IGSF11: variants seen among roughly 807,000 people sequenced by gnomAD.
IGSF11 encodes CXADR like 1.
A neutral mutation model predicts 41.0 loss-of-function variants in IGSF11; 22 were observed. The ratio of observed to expected loss-of-function variants is 0.54; its 90% CI spans 0.38 to 0.77. IGSF11 has a LOEUF of 0.77. Among genes scored for constraint, IGSF11 ranks in the 30% least tolerant of loss-of-function variants. IGSF11 has a pLI of 0.00. For synonymous variants in IGSF11, 219 were observed against 201.3 expected, an observed-to-expected ratio of 1.09 and a Z score of -0.74; for missense variants, 444 against 530.8, an observed-to-expected ratio of 0.84 and a Z score of 1.61.
intron 1 of IGSF11, among the ~76,000 whole-genome samples, chr3:118,973,429 C>A (rs1933688884): frequency 6.6e-6 from 1 of 152,140 alleles, no homozygotes; most frequent in Admixed American, 6.5e-5. Context: ...GACACCAGGG[C>A]TTTGAAAGGA....
chr3:119,096,059 T>C (rs550594443), intron 1 of IGSF11, among the ~76,000 whole-genome samples: 61 of 152,204 alleles, frequency 4.0e-4, no homozygotes, highest in Admixed American at 3.8e-3. Flanking sequence ...TATTTATTTA[T>C]TTATTTATTT....
chr3:119,079,317 G>A (rs561956271), intron 1 of IGSF11, among the ~76,000 whole-genome samples: 1 of 151,742 alleles, frequency 6.6e-6, no homozygotes, highest in South Asian at 2.1e-4. Flanking sequence ...CTGAAATCAC[G>A]CCATTGCACT....
intron 1 of IGSF11, among the ~76,000 whole-genome samples, chr3:119,136,702 G>C (rs2077567930): frequency 6.6e-6 from 1 of 152,108 alleles, no homozygotes; most frequent in Admixed American, 6.6e-5. Flanking sequence ...ATAAACCCCA[G>C]TACATTAATA....
At chr3:119,021,170 G>A (rs566092383) in intron 1 of IGSF11, among the ~76,000 whole-genome samples, 1 of 152,232 alleles carries the variant, frequency 6.6e-6, no homozygotes, top group Non-Finnish European at 1.5e-5. Context: ...TACAAATGTA[G>A]GCAGTGGTTA....
chr3:118,905,683 T>C lies in IGSF11; in HGVS notation c.616A>G (p.Ser206Gly). 6.2e-7 allele frequency: 1 copy of C among 1,613,842 alleles called. No individual in the cohort carries two copies. The change falls in exon 5 of 7, where the codon AGT (serine) becomes GGT (glycine). Residue 206 changes from serine to glycine, a missense_variant. By Grantham distance (56) the Ser-to-Gly change is moderately conservative. Transcript: ENST00000393775. ...TGGTACAAACCTGAAGACAGGGCAC[T>C]GATGTTCCGGATGGTGACTGTTCCC... ...VQGTVTIRNISALSSGLYQCV... is the reference protein window; with the variant it reads ...VQGTVTIRNIGALSSGLYQCV...
At chr3:118,950,426 A>G (rs577801794) in intron 1 of IGSF11, among the ~76,000 whole-genome samples, 2 of 152,310 alleles carry the variant, frequency 1.3e-5, no homozygotes, top group East Asian at 3.9e-4. Flanking sequence ...TGCCACGACG[A>G]GATACAACAG....
Position 119,105,078 on chromosome 3 carries a change from C to T in IGSF11, c.49+66G>A, listed in dbSNP as rs201400231. On this transcript the variant is annotated intron_variant, in intron 1 of 6. Coordinates refer to the IGSF11 transcript ENST00000354673. Reference sequence around the variant, plus strand: ...TTAGTATCACAAAAAGCCTTTCACTCAGCCAGGCCATAAGAGATAATAACC... The same window carrying T: ...TTAGTATCACAAAAAGCCTTTCACTTAGCCAGGCCATAAGAGATAATAACC... The T allele has an allele frequency of 2.7e-4, 278 of 1,024,838 alleles. 1 individual carries two copies. The South Asian group carries it at 3.7e-3, about 14-fold the overall frequency. 63.5% of individuals were successfully genotyped at this position (1,024,838 alleles called of 1,614,324 possible).
intron 1 of IGSF11, among the ~76,000 whole-genome samples, chr3:119,060,224 T>A (rs963189545): frequency 5.9e-5 from 9 of 152,210 alleles, no homozygotes; most frequent in African/African-American, 2.2e-4. Context: ...GATTAAAGTG[T>A]TGTGAAATTC....
chr3:118,941,328 A>G (rs1943682682), intron 1 of IGSF11, among the ~76,000 whole-genome samples: 1 of 152,166 alleles, frequency 6.6e-6, no homozygotes, highest in African/African-American at 2.4e-5. Flanking sequence ...TTGAACAGAC[A>G]CTTCACTATG....
intron 1 of IGSF11, among the ~76,000 whole-genome samples, chr3:119,042,486 G>A (rs1453981300): frequency 1.3e-5 from 2 of 152,180 alleles, no homozygotes; most frequent in Non-Finnish European, 2.9e-5. Context: ...GGTAAGGCCT[G>A]TCACTGCTGG....
chr3:119,026,733 A>G (rs1448616925), intron 1 of IGSF11, among the ~76,000 whole-genome samples: 1 of 152,242 alleles, frequency 6.6e-6, no homozygotes, highest in East Asian at 1.9e-4. Flanking sequence ...TATGCTGCAT[A>G]CTGAAGCAAA....
intron 1 of IGSF11, among the ~76,000 whole-genome samples, chr3:119,080,966 T>TC (rs1559856175): frequency 6.7e-6 from 1 of 149,262 alleles, no homozygotes; most frequent in East Asian, 2.0e-4. Flanking sequence ...TTATTTATTG[T>TC]TTTTTTTTCA....
chr3:119,108,817 A>C (rs1181289763), upstream of IGSF11, among the ~76,000 whole-genome samples: 3 of 144,366 alleles, frequency 2.1e-5, no homozygotes, highest in Non-Finnish European at 4.7e-5. Context: ...GAATTTTGTC[A>C]AAGGCTTTTT....
chr3:118,901,458 A>T lies in IGSF11; in HGVS notation c.*1062T>A, dbSNP rs563319462. On this transcript the variant is annotated 3_prime_UTR_variant, in exon 7 of 7. Transcript: ENST00000393775. Reference sequence around the variant, plus strand: ...AAAAAAACGTCTGCCCTCCCTGACAAGTAAGTTAACTTCTACTTGTCAAAT... The same window carrying T: ...AAAAAAACGTCTGCCCTCCCTGACATGTAAGTTAACTTCTACTTGTCAAAT... 10 of 152,326 alleles carry T rather than the reference A, an allele frequency of 6.6e-5. No individual in the cohort carries two copies. Among genetic ancestry groups the T allele is most frequent in the African/African-American group, 2.2e-4 (9 of 41,580 alleles). The allele number at this position is 152,326 out of a possible 1,614,324, so 9.4% of individuals were successfully genotyped here. A position where few individuals can be genotyped will look rare whatever the true frequency, so the allele number is the denominator to read the frequency against.
At chr3:119,001,194 T>G (rs1936796557) in intron 1 of IGSF11, among the ~76,000 whole-genome samples, 1 of 150,344 alleles carries the variant, frequency 6.7e-6, no homozygotes, top group African/African-American at 2.4e-5. Flanking sequence ...CATGTTATGT[T>G]AAATTATAAT....
chr3:118,907,491 A>C (rs542673988), intron 4 of IGSF11, among the ~76,000 whole-genome samples: 1 of 152,254 alleles, frequency 6.6e-6, no homozygotes, highest in South Asian at 2.1e-4. Context: ...ACATCTAATG[A>C]GGGATTGAGA....
At chr3:118,984,213 G>A (rs1477954231) in intron 1 of IGSF11, among the ~76,000 whole-genome samples, 1 of 149,790 alleles carries the variant, frequency 6.7e-6, no homozygotes, top group African/African-American at 2.5e-5. Flanking sequence ...TTTACATCCT[G>A]CTGAAGTATC....
chr3:119,051,546 G>C (rs1025876265), intron 1 of IGSF11, among the ~76,000 whole-genome samples: 3 of 152,022 alleles, frequency 2.0e-5, no homozygotes, highest in Admixed American at 1.3e-4. Context: ...TTCAATACTC[G>C]ACTAACAGCA....
chr3:118,953,324 T>C (rs1017133338), intron 1 of IGSF11, among the ~76,000 whole-genome samples: 1 of 152,160 alleles, frequency 6.6e-6, no homozygotes, highest in Non-Finnish European at 1.5e-5. Flanking sequence ...TGGTTCCATA[T>C]ATTTGCAATT....
Sources: allele counts gnomAD v4.1 joint callset (sites outside exome capture counted in the v4.1 genomes callset), GRCh38; gene constraint gnomAD v4.1.1; transcripts MANE v1.5; gene names NCBI Gene and HGNC (gene_info 2026-07-23, HGNC 2026-07-21).